Variants in VSTM2B observed in about 807,000 individuals in gnomAD.
VSTM2B encodes the protein V-set and transmembrane domain-containing protein 2B.
Under a neutral mutation model 24.0 loss-of-function variants are expected in VSTM2B, and 24 were observed. The observed-to-expected ratio is 1.00, with a 90% CI of 0.72 to 1.40. The LOEUF (loss-of-function observed/expected upper bound fraction) is 1.40. Ranked by LOEUF, VSTM2B falls within the 40% of genes most tolerant of loss-of-function variation. The pLI, the probability that VSTM2B is intolerant of heterozygous loss-of-function variation, is 0.00. For missense variants in VSTM2B, 399 were observed against 416.4 expected (o/e 0.96, Z 0.36); for synonymous variants, 226 against 194.4 (o/e 1.16, Z -1.35).
intron 4 of VSTM2B, among the ~76,000 whole-genome samples, chr19:29,546,527 G>C (rs892813697): frequency 6.6e-6 from 1 of 152,224 alleles, no homozygotes. Flanking sequence ...TGCAGGGGCC[G>C]AGTGCAGCTG....
At chr19:29,563,768 A>T in intron 4 of VSTM2B, 78 bp from the exon 5 acceptor site, 1 of 1,339,088 alleles carries the variant, frequency 7.5e-7, no homozygotes, top group Non-Finnish European at 1.0e-6. Context: ...GGGAAGCCTC[A>T]CTGTTCCTGG....
chr19:29,530,325 G>A (rs1346893813), intron 4 of VSTM2B, 35 bp downstream of exon 4: 1 of 1,472,044 alleles, frequency 6.8e-7, no homozygotes, highest in South Asian at 1.3e-5. Context: ...CACGCGCGGG[G>A]ATGGCGCAGG....
intron 4 of VSTM2B, among the ~76,000 whole-genome samples, chr19:29,560,265 A>G (rs932328960): frequency 1.3e-5 from 2 of 152,160 alleles, no homozygotes; most frequent in African/African-American, 2.4e-5. Flanking sequence ...GGGGACTTGT[A>G]GCCATTTTTG....
chr19:29,532,610 G>C (rs1453049147), intron 4 of VSTM2B, among the ~76,000 whole-genome samples: 2 of 152,208 alleles, frequency 1.3e-5, no homozygotes, highest in Non-Finnish European at 2.9e-5. Flanking sequence ...CCACTTACTG[G>C]CTGTGTGATT....
chr19:29,562,195 T>A (rs1249105274), intron 4 of VSTM2B, among the ~76,000 whole-genome samples: 1 of 152,134 alleles, frequency 6.6e-6, no homozygotes, highest in Non-Finnish European at 1.5e-5. Context: ...TTGTACAACC[T>A]CCTCCTTCTA....
At chr19:29,558,054 T>C (rs1242650269) in intron 4 of VSTM2B, among the ~76,000 whole-genome samples, 1 of 152,082 alleles carries the variant, frequency 6.6e-6, no homozygotes, top group Non-Finnish European at 1.5e-5. Context: ...CAGACACTTC[T>C]CAAAAGAAAA....
Position 29,528,458 on chromosome 19 carries a change from T to A in VSTM2B, c.293T>A (p.Ile98Asn). 6.4e-7 allele frequency: 1 copy of A among 1,551,032 alleles called. No individual in the cohort carries two copies. The highest frequency in any genetic ancestry group is 8.7e-7 in the Non-Finnish European group (1 of 1,146,962). The change falls in exon 3 of 5, where the codon ATC (isoleucine) becomes AAC (asparagine). Residue 98 changes from isoleucine to asparagine, a missense_variant. Coordinates refer to ENST00000335523, the MANE Select transcript of VSTM2B (RefSeq NM_001146339.2). ...SKVTNKDATK[I>N]STVRVQGNDI... ...GTAACAAATAAGGATGCAACTAAAA[T>A]CAGCGTAAGTGTGGAGCCCAGCGCG...
chr19:29,553,176 C>T (rs1456221286), intron 4 of VSTM2B, among the ~76,000 whole-genome samples: 1 of 152,030 alleles, frequency 6.6e-6, no homozygotes, highest in African/African-American at 2.4e-5. Context: ...ACAGGGGTCA[C>T]CATACAGGAG....
At chr19:29,532,591 G>T (rs1193703994) in intron 4 of VSTM2B, among the ~76,000 whole-genome samples, 1 of 152,214 alleles carries the variant, frequency 6.6e-6, no homozygotes, top group Non-Finnish European at 1.5e-5. Flanking sequence ...GATGTAGGTT[G>T]TGCTTCCACC....
intron 4 of VSTM2B, among the ~76,000 whole-genome samples, chr19:29,559,391 C>T (rs953358819): frequency 1.3e-5 from 2 of 152,122 alleles, no homozygotes; most frequent in African/African-American, 4.8e-5. Flanking sequence ...TGTTGTCATT[C>T]ATAAGTGGGA....
chr19:29,533,320 C>T (rs1969804062), intron 4 of VSTM2B, among the ~76,000 whole-genome samples: 1 of 152,182 alleles, frequency 6.6e-6, no homozygotes, highest in Non-Finnish European at 1.5e-5. Context: ...TGCCTGGATC[C>T]CAGCGGGGCT....
In VSTM2B at chr19:29,550,840, A is replaced by G. The variant is rs558236929; in HGVS notation, c.770-13006A>G. 2.4e-4 allele frequency among the ~76,000 whole-genome samples: 36 copies of G among 152,008 alleles called. No individual in the cohort carries two copies. The South Asian group carries it at 7.3e-3, about 31-fold the overall frequency. ...CTCTTCTCAAACCTGAAAAAAAAAA[A>G]AAGCAGCACTGTTTGCAAACCCCTG... On this transcript the variant is annotated intron_variant, in intron 4 of 4. Transcript: ENST00000335523.
chr19:29,526,035 C>A lies in VSTM2B; in HGVS notation c.-549C>A, dbSNP rs1205421037. ...GGGTCCGCCACGCCGGACCCGCTCT[C>A]CCCGCGCTGCGCTGGGTCGGACGCC... On this transcript the variant is annotated 5_prime_UTR_variant, in exon 1 of 5. Coordinates refer to ENST00000335523, the MANE Select transcript of VSTM2B (RefSeq NM_001146339.2). This position sits in a 1 kb window ranked among gnomAD's most constrained non-coding sequence, Gnocchi z 4.1. Among the ~76,000 whole-genome samples the A allele has an allele frequency of 6.6e-6, 1 of 152,042 alleles. No individual in the cohort carries two copies. The highest frequency in any genetic ancestry group is 1.5e-5 in the Non-Finnish European group (1 of 67,970).
intron 4 of VSTM2B, among the ~76,000 whole-genome samples, chr19:29,554,898 T>C (rs1366073056): frequency 6.6e-6 from 1 of 151,764 alleles, no homozygotes; most frequent in Non-Finnish European, 1.5e-5. Context: ...AATACAGGAG[T>C]ACCCAGATTC....
rs200528891 is a variant in VSTM2B at position 29,529,301 on chromosome 19, G to GGTGTAAA, written c.298-517_298-516insTGTAAAG. On this transcript the variant is annotated intron_variant, in intron 3 of 4. Transcript: ENST00000335523. Reference sequence around the variant, plus strand: ...AGCACAGTGTTAGCTGTAAAGGGCGGGGTCCGGTGACAGGGTGGCTTTCCT... The same window carrying GGTGTAAA: ...AGCACAGTGTTAGCTGTAAAGGGCGGGTGTAAAGGTCCGGTGACAGGGTGGCTTTCCT... Among the ~76,000 whole-genome samples the GGTGTAAA allele has an allele frequency of 8.2e-3, 1,243 of 152,336 alleles. 17 individuals are homozygous for GGTGTAAA. The highest frequency in any genetic ancestry group is 0.028 in the African/African-American group (1,182 of 41,590).
chr19:29,561,701 C>T (rs962523237), intron 4 of VSTM2B, among the ~76,000 whole-genome samples: 1 of 152,126 alleles, frequency 6.6e-6, no homozygotes, highest in African/African-American at 2.4e-5. Flanking sequence ...GGTGAAGTAC[C>T]CAGGAGGCAG....
intron 4 of VSTM2B, among the ~76,000 whole-genome samples, chr19:29,552,226 T>C (rs1205490341): frequency 6.6e-6 from 1 of 152,242 alleles, no homozygotes; most frequent in African/African-American, 2.4e-5. Context: ...TTCCTTGGTC[T>C]GCCCCGATTC....
At position 29,527,364 on chromosome 19, in the gene VSTM2B, T is replaced by G; in HGVS notation, c.236T>G (p.Leu79Arg). Residue 79 changes from leucine to arginine, a missense_variant, in exon 2 of 5, where the codon CTG becomes CGG. Coordinates refer to ENST00000335523, the MANE Select transcript of VSTM2B (RefSeq NM_001146339.2). ...CCACCCCGGGAGCTGCTGCACGAGC[T>G]GGCGCTCAGCGTGCCGGGCGCCCGG... ...KEPPRELLHE[L>R]ALSVPGARSK... The G allele has an allele frequency of 2.6e-6, 4 of 1,544,020 alleles. No individual in the cohort carries two copies. Among genetic ancestry groups the G allele is most frequent in the Non-Finnish European group, 3.5e-6 (4 of 1,144,984 alleles).
intron 4 of VSTM2B, among the ~76,000 whole-genome samples, chr19:29,531,162 C>T (rs1269906462): frequency 6.6e-6 from 1 of 152,076 alleles, no homozygotes; most frequent in Non-Finnish European, 1.5e-5. Context: ...TGCCCCTCCT[C>T]CCAAGGCATC....
Sources: gnomAD v4.1 joint callset for allele counts (sites outside exome capture counted in the v4.1 genomes callset) on GRCh38, gnomAD v4.1.1 for gene constraint, Gnocchi (gnomAD v3.1) non-coding constraint, MANE v1.5 for transcripts, NCBI Gene and HGNC (gene_info 2026-07-23, HGNC 2026-07-21) for gene names.